The following SLC30A4 variants were observed in gnomAD, a reference collection of about 807,000 sequenced individuals.
SLC30A4 encodes the protein solute carrier family 30 member 4, also known as probable proton-coupled zinc antiporter SLC30A4.
Under a neutral mutation model 41.7 loss-of-function variants are expected in SLC30A4, and 20 were observed. The ratio of observed to expected loss-of-function variants is 0.48; its 90% CI spans 0.34 to 0.70. The LOEUF is 0.70. Among genes scored for constraint, SLC30A4 ranks in the 30% least tolerant of loss-of-function variants. SLC30A4 has a pLI of 0.01. For synonymous variants in SLC30A4, 181 were observed against 195.9 expected, an observed-to-expected ratio of 0.92 and a Z score of 0.64; for missense variants, 441 against 529.3, an observed-to-expected ratio of 0.83 and a Z score of 1.64.
rs1394457572 is a variant in SLC30A4, at chr15:45,483,982, T to C, written c.*1181A>G. The stretch of plus-strand genomic sequence containing the variant: ...CCCTTGGACATTTCTGCTATGGTAT[T>C]ATTGGAAAACCTCAAAATTGTATTT... On this transcript the variant is annotated 3_prime_UTR_variant, in exon 8 of 8. Transcript: ENST00000261867. 6.6e-6 allele frequency: 1 copy of C among 152,424 alleles called. No individual in the cohort carries two copies. Among genetic ancestry groups the C allele is most frequent in the African/African-American group, 2.4e-5 (1 of 41,452 alleles). The allele number at this position is 152,424 out of a possible 1,614,324, so 9.4% of individuals were successfully genotyped here.
chr15:45,489,187 C>G (rs1199182277), intron 4 of SLC30A4, 145 bp from the exon 5 acceptor site: 2 of 659,374 alleles, frequency 3.0e-6, no homozygotes, highest in Non-Finnish European at 5.1e-6. Flanking sequence ...GTTCTAGGTA[C>G]TTGGGTCAAA....
chr15:45,522,496 T>A, intron 1 of SLC30A4, 28 bp from the exon 2 acceptor site: 1 of 858,016 alleles, frequency 1.2e-6, no homozygotes, highest in Non-Finnish European at 1.7e-6. Flanking sequence ...CGTTATAAAT[T>A]AAAGGCGCCC....
intron 2 of SLC30A4, among the ~76,000 whole-genome samples, chr15:45,517,678 G>A (rs1474985975): frequency 6.6e-6 from 1 of 151,842 alleles, no homozygotes; most frequent in Non-Finnish European, 1.5e-5. Context: ...GCCAGGCGCG[G>A]TGGCTCACGC....
At chr15:45,491,000 T>C (rs1891800527) in intron 3 of SLC30A4, 119 bp from the exon 4 acceptor site, 4 of 622,816 alleles carry the variant, frequency 6.4e-6, no homozygotes, top group Non-Finnish European at 1.0e-5. Flanking sequence ...AAGCCCTCTA[T>C]TGTTTCTGTC....
In SLC30A4 at chr15:45,481,212, G is replaced by C. The variant is rs1595519012; in HGVS notation, c.*3951C>G. On this transcript the variant is annotated 3_prime_UTR_variant, in exon 8 of 8. Coordinates refer to ENST00000261867, the MANE Select transcript of SLC30A4 (RefSeq NM_013309.6). ...AGAAAACAGTAAAATAAGAAACCCG[G>C]TGATGTGGCAAAAAAACACTGATGG... 6.6e-6 allele frequency: 1 copy of C among 152,142 alleles called. No homozygotes were observed. Among genetic ancestry groups the C allele is most frequent in the Non-Finnish European group, 1.5e-5 (1 of 68,032 alleles). The allele number at this position is 152,142 out of a possible 1,614,324, so 9.4% of individuals were successfully genotyped here. A position where few individuals can be genotyped will look rare whatever the true frequency, so the allele number is the denominator to read the frequency against.
rs1891580388 is a variant in SLC30A4 at position 45,479,956 on chromosome 15, A to G, written c.*5207T>C. 1 of 152,138 alleles carries G rather than the reference A, an allele frequency of 6.6e-6. No homozygotes were observed. Among genetic ancestry groups the G allele is most frequent in the African/African-American group, 2.4e-5 (1 of 41,456 alleles). The allele number at this position is 152,138 out of a possible 1,614,324, so 9.4% of individuals were successfully genotyped here. A position where few individuals can be genotyped will look rare whatever the true frequency, so the allele number is the denominator to read the frequency against. On this transcript the variant is annotated 3_prime_UTR_variant, in exon 8 of 8. Transcript: ENST00000261867. ...CCTGGTTTCTGAAAGGGCATATGAT[A>G]AAGTATATACAATTTCTTAAACTGT...
chr15:45,511,295 C>T lies in SLC30A4; in HGVS notation c.392-11G>A. ...TTGCAATGTATCCACCTTAGAGTTA[C>T]AAGTAGGAGAAAAAAGGAACAAGTT... On this transcript the variant is annotated splice_polypyrimidine_tract_variant and intron_variant, in intron 2 of 7. Transcript: ENST00000261867. The T allele has an allele frequency of 6.7e-7, 1 of 1,503,752 alleles. No homozygotes were observed. 93.2% of individuals were successfully genotyped at this position (1,503,752 alleles called of 1,614,324 possible).
At chr15:45,495,422 G>T (rs1355433142) in intron 3 of SLC30A4, among the ~76,000 whole-genome samples, 1 of 152,092 alleles carries the variant, frequency 6.6e-6, no homozygotes, top group Non-Finnish European at 1.5e-5. Flanking sequence ...TACCCTAGTA[G>T]GTCTGTCAGA....
intron 2 of SLC30A4, chr15:45,520,910 A>G: frequency 2.5e-6 from 1 of 395,432 alleles, no homozygotes; most frequent in Non-Finnish European, 5.1e-6. Context: ...CCACTGAGAT[A>G]GAAGGACCAG....
intron 2 of SLC30A4, 72 bp downstream of exon 2, chr15:45,521,892 C>G: frequency 2.0e-6 from 3 of 1,474,666 alleles, no homozygotes; most frequent in Non-Finnish European, 1.9e-6. Flanking sequence ...AACCTCAAAG[C>G]CTGTGTAACT....
In SLC30A4 at chr15:45,481,015, C is replaced by T. The variant is rs886273106; in HGVS notation, c.*4148G>A. The T allele has an allele frequency of 6.6e-6, 1 of 152,332 alleles. No homozygotes were observed. The allele number at this position is 152,332 out of a possible 1,614,324, so 9.4% of individuals were successfully genotyped here. A position where few individuals can be genotyped will look rare whatever the true frequency, so the allele number is the denominator to read the frequency against. Reference sequence around the variant, plus strand: ...TGTCTCTGAAAGATGATTTTCCTCACATTAAAATGAGAGAGAAGCTCACGT... The same window carrying T: ...TGTCTCTGAAAGATGATTTTCCTCATATTAAAATGAGAGAGAAGCTCACGT... On this transcript the variant is annotated 3_prime_UTR_variant, in exon 8 of 8. Coordinates refer to ENST00000261867, the MANE Select transcript of SLC30A4 (RefSeq NM_013309.6).
In SLC30A4 at chr15:45,490,749, A is replaced by G. The variant is rs778936436; in HGVS notation, c.671T>C (p.Val224Ala). 31 of 1,602,348 alleles carry G rather than the reference A, an allele frequency of 1.9e-5. No individual in the cohort carries two copies. Among genetic ancestry groups the G allele is most frequent in the Admixed American group, 3.5e-5 (2 of 57,386 alleles). ...NGDIMLITAA[V>A]GVAVNVIMGF... is the part of the protein sequence containing the mutation. ...TTACATTACATTAACTGCAACTCCA[A>G]CAGCTGCGGTGATGAGCATTATATC... is the stretch of plus-strand genomic sequence containing the variant. Residue 224 changes from valine to alanine, a missense_variant, in exon 4 of 8, where the codon GTT becomes GCT. Physicochemically the swap from Val to Ala is moderately conservative, Grantham distance 64. Coordinates refer to ENST00000261867, the MANE Select transcript of SLC30A4 (RefSeq NM_013309.6).
At chr15:45,510,709 G>A (rs1892269255) in intron 3 of SLC30A4, among the ~76,000 whole-genome samples, 1 of 152,184 alleles carries the variant, frequency 6.6e-6, no homozygotes, top group Non-Finnish European at 1.5e-5. Flanking sequence ...TACGATGGCT[G>A]CAGTCAAGTT....
chr15:45,501,711 C>T (rs1169510418), intron 3 of SLC30A4, among the ~76,000 whole-genome samples: 2 of 152,090 alleles, frequency 1.3e-5, no homozygotes, highest in South Asian at 2.1e-4. Context: ...CGCTTTGTTG[C>T]CCAGGCTGGT....
rs1430899492 is a variant in SLC30A4, at chr15:45,485,124, G to A, written c.*39C>T. 2 of 1,548,958 alleles carry A rather than the reference G, an allele frequency of 1.3e-6. No individual in the cohort carries two copies. Among genetic ancestry groups the A allele is most frequent in the East Asian group, 2.3e-5 (1 of 44,218 alleles). On this transcript the variant is annotated 3_prime_UTR_variant, in exon 8 of 8. Transcript: ENST00000261867. ...ATTTATTGCTCTCAAGTCTGTGACT[G>A]CAGGATAAATAAGGCAGGAGTTCCC... is the stretch of plus-strand genomic sequence containing the variant.
At chr15:45,499,833 CAAT>C (rs1275565815) in intron 3 of SLC30A4, among the ~76,000 whole-genome samples, 2 of 151,952 alleles carry the variant, frequency 1.3e-5, no homozygotes, top group African/African-American at 4.8e-5. Flanking sequence ...TATTATAAAA[CAAT>C]AATGAAAGAA....
intron 2 of SLC30A4, chr15:45,520,995 C>T (rs751919212): frequency 4.3e-6 from 2 of 465,094 alleles, no homozygotes; most frequent in South Asian, 1.6e-5. Flanking sequence ...ATGGCTGAAG[C>T]GAGCCCTGGG....
At chr15:45,501,097 G>C (rs1390916674) in intron 3 of SLC30A4, among the ~76,000 whole-genome samples, 1 of 151,544 alleles carries the variant, frequency 6.6e-6, no homozygotes, top group Non-Finnish European at 1.5e-5. Flanking sequence ...CACGAGGTCC[G>C]GAGATCGAGA....
intron 3 of SLC30A4, among the ~76,000 whole-genome samples, chr15:45,503,988 A>G (rs1181977550): frequency 6.6e-6 from 1 of 152,174 alleles, no homozygotes; most frequent in African/African-American, 2.4e-5. Context: ...TTTAAAAACA[A>G]GAAAAAATAG....
Sources: gnomAD v4.1 joint callset for allele counts (sites outside exome capture counted in the v4.1 genomes callset) on GRCh38, gnomAD v4.1.1 for gene constraint, MANE v1.5 for transcripts, NCBI Gene and HGNC (gene_info 2026-07-23, HGNC 2026-07-21) for gene names.